Variants in PTPRE observed in about 807,000 individuals in gnomAD.
The protein encoded by PTPRE is receptor-type tyrosine-protein phosphatase epsilon.
PTPRE carries 51 observed loss-of-function variants against 102.0 expected under a neutral mutation model. The observed-to-expected ratio is 0.50, with a 90% confidence interval of 0.40 to 0.63. The LOEUF (loss-of-function observed/expected upper bound fraction) is 0.63. Ranked by LOEUF, PTPRE falls within the 30% of genes least tolerant of loss-of-function variation. The pLI, the probability that PTPRE is intolerant of heterozygous loss-of-function variation, is 0.00. For synonymous variants in PTPRE, 345 were observed against 348.2 expected, an observed-to-expected ratio of 0.99 and a Z score of 0.10; for missense variants, 752 against 915.1, an observed-to-expected ratio of 0.82 and a Z score of 2.30.
rs1489550538 is a variant in PTPRE at position 128,023,307 on chromosome 10, G to GA, written c.-7-17563dup. ...TAGTATATATACATAGTATGTATAG[G>GA]AAAAAGGATAGTATATATACATAGT... On this transcript the variant is annotated intron_variant, in intron 2 of 20. Coordinates refer to ENST00000254667, the MANE Select transcript of PTPRE (RefSeq NM_006504.6). Among the ~76,000 whole-genome samples the GA allele has an allele frequency of 6.6e-5, 10 of 151,986 alleles. 1 individual carries two copies. In the East Asian group the frequency reaches 1.9e-3, roughly 29 times the overall value.
intron 3 of PTPRE, among the ~76,000 whole-genome samples, chr10:128,044,198 G>A (rs942313146): frequency 6.6e-6 from 1 of 152,320 alleles, no homozygotes; most frequent in South Asian, 2.1e-4. Flanking sequence ...ATTTTAGGCC[G>A]GAGTGAGTTG....
chr10:128,047,905 C>T, intron 5 of PTPRE, 68 bp downstream of exon 5: 1 of 1,460,342 alleles, frequency 6.8e-7, no homozygotes, highest in Admixed American at 2.3e-5. Context: ...CACTGAGGTG[C>T]TTTCTGCCTT....
At chr10:128,048,319 G>T (rs577549715) in intron 5 of PTPRE, among the ~76,000 whole-genome samples, 2 of 152,198 alleles carry the variant, frequency 1.3e-5, no homozygotes, top group Admixed American at 1.3e-4. Context: ...TTTCGAACTT[G>T]TTGTCGCTAC....
chr10:127,975,012 G>A (rs1011009627), intron 1 of PTPRE, among the ~76,000 whole-genome samples: 1 of 152,210 alleles, frequency 6.6e-6, no homozygotes. Flanking sequence ...GCGGGGAACA[G>A]CTAGGCACCA....
intron 17 of PTPRE, 114 bp from the exon 18 acceptor site, chr10:128,076,489 T>TA (rs1851219154): frequency 9.2e-7 from 1 of 1,089,546 alleles, no homozygotes; most frequent in Admixed American, 3.1e-5. Context: ...TGTTTTTTTT[T>TA]TTGGTCAGAT....
intron 2 of PTPRE, among the ~76,000 whole-genome samples, chr10:128,037,850 G>A (rs1203026300): frequency 6.6e-6 from 1 of 152,048 alleles, no homozygotes; most frequent in East Asian, 1.9e-4. Flanking sequence ...GGAGTGCAGT[G>A]GTGCGATCTC....
At chr10:128,047,152 C>T (rs977019154) in intron 3 of PTPRE, among the ~76,000 whole-genome samples, 2 of 152,214 alleles carry the variant, frequency 1.3e-5, no homozygotes, top group African/African-American at 4.8e-5. Context: ...ATGCCTGCCC[C>T]AGGGATTTTG....
intron 1 of PTPRE, among the ~76,000 whole-genome samples, chr10:127,973,806 CTT>C (rs781410057): frequency 1.3e-5 from 2 of 152,168 alleles, no homozygotes; most frequent in Non-Finnish European, 2.9e-5. Flanking sequence ...GATGGCAACG[CTT>C]CACCCAGGCC....
At chr10:128,076,051 A>C (rs1399917073) in intron 17 of PTPRE, among the ~76,000 whole-genome samples, 4 of 152,224 alleles carry the variant, frequency 2.6e-5, no homozygotes, top group Non-Finnish European at 5.9e-5. Flanking sequence ...ACTGTAATCC[A>C]ATGTTTCAAA....
chr10:128,083,091 T>C lies in PTPRE; in HGVS notation c.*185T>C, dbSNP rs1590271194. ...ATATGCTTTTTAAAAATTGGAATAA[T>C]GTATTAAGGTCAAATAATATCCCAT... is the stretch of plus-strand genomic sequence containing the variant. On this transcript the variant is annotated 3_prime_UTR_variant, in exon 21 of 21. Coordinates refer to ENST00000254667, the MANE Select transcript of PTPRE (RefSeq NM_006504.6). The C allele has an allele frequency of 2.3e-6, 1 of 438,604 alleles. No homozygotes were observed. Among genetic ancestry groups the C allele is most frequent in the Non-Finnish European group, 3.8e-6 (1 of 263,360 alleles). 27.2% of individuals were successfully genotyped at this position (438,604 alleles called of 1,614,324 possible). A position where few individuals can be genotyped will look rare whatever the true frequency, so the allele number is the denominator to read the frequency against.
intron 2 of PTPRE, among the ~76,000 whole-genome samples, chr10:128,034,325 A>C (rs61186345): frequency 0.012 from 1,789 of 146,754 alleles, 51 homozygotes; most frequent in African/African-American, 0.044. Flanking sequence ...CCTCCACACC[A>C]CCCCCCCCAC....
intron 1 of PTPRE, among the ~76,000 whole-genome samples, chr10:127,909,115 C>T (rs752530449): frequency 2.6e-5 from 4 of 152,196 alleles, no homozygotes; most frequent in Non-Finnish European, 4.4e-5. Context: ...GTGTCAGCAC[C>T]GCCACCTCCA....
chr10:128,013,329 A>G (rs1845165208), intron 2 of PTPRE, among the ~76,000 whole-genome samples: 1 of 152,170 alleles, frequency 6.6e-6, no homozygotes, highest in Non-Finnish European at 1.5e-5. Context: ...GCAGCTCTCA[A>G]TGTGTGCGGT....
intron 11 of PTPRE, among the ~76,000 whole-genome samples, chr10:128,067,546 GTGCACACACA>G (rs1850367297): frequency 1.3e-5 from 2 of 151,690 alleles, no homozygotes; most frequent in African/African-American, 4.8e-5. Context: ...ATGCATACAT[GTGCACACACA>G]TGCACACACA....
intron 2 of PTPRE, chr10:127,998,789 GCCGTATTCCCAGGGAGACTGGTCAA>G (rs1853557430): frequency 6.6e-6 from 1 of 151,962 alleles, no homozygotes; most frequent in Non-Finnish European, 1.5e-5. Context: ...TTATGAAGTC[GCCGTATTCCCAGGGAGACTGGTCAA>G]CCCATACAAT....
At chr10:128,047,650 T>A (rs1388787598) in intron 4 of PTPRE, 114 bp from the exon 5 acceptor site, 2 of 1,614,170 alleles carry the variant, frequency 1.2e-6, no homozygotes, top group Non-Finnish European at 1.7e-6. Context: ...GGCTCAGCCA[T>A]GAGCAACAGG....
At chr10:128,078,725 G>C (rs1388396021) in intron 19 of PTPRE, among the ~76,000 whole-genome samples, 2 of 152,238 alleles carry the variant, frequency 1.3e-5, no homozygotes, top group African/African-American at 4.8e-5. Flanking sequence ...TGCCTTCCAA[G>C]AAATCATTTA....
intron 1 of PTPRE, among the ~76,000 whole-genome samples, chr10:127,964,374 T>A (rs1227558133): frequency 1.3e-5 from 2 of 152,180 alleles, no homozygotes; most frequent in Non-Finnish European, 2.9e-5. Context: ...TTTCACCATG[T>A]TGGCCAGGCT....
chr10:128,018,587 G>C (rs1845619307), intron 2 of PTPRE, among the ~76,000 whole-genome samples: 1 of 152,188 alleles, frequency 6.6e-6, no homozygotes, highest in African/African-American at 2.4e-5. Flanking sequence ...GTTCCCAGAG[G>C]AGGGGGGCTG....
Sources: allele counts gnomAD v4.1 joint callset (sites outside exome capture counted in the v4.1 genomes callset), GRCh38; gene constraint gnomAD v4.1.1; transcripts MANE v1.5; gene names NCBI Gene and HGNC (gene_info 2026-07-23, HGNC 2026-07-21).